Variants in POU2F2 observed in about 807,000 individuals in gnomAD.
POU2F2 encodes the protein POU class 2 homeobox 2.
A neutral mutation model predicts 63.5 loss-of-function variants in POU2F2; 14 were observed. That is an observed-to-expected ratio of 0.22 (90% CI 0.15 to 0.34). POU2F2 has a LOEUF of 0.34. Ranked by LOEUF, POU2F2 falls within the 10% of genes least tolerant of loss-of-function variation. The probability of loss-of-function intolerance (pLI) is 1.00; values close to 1 mark genes in which losing one functional copy is unlikely to be tolerated. For synonymous variants in POU2F2, 306 were observed against 348.6 expected (o/e 0.88, Z 1.36); for missense variants, 607 against 815.2 (o/e 0.74, Z 3.11).
upstream of POU2F2, among the ~76,000 whole-genome samples, chr19:42,180,752 G>C (rs1003663375): frequency 6.6e-6 from 1 of 151,944 alleles, no homozygotes; most frequent in Non-Finnish European, 1.5e-5. Flanking sequence ...TTTGAGACAG[G>C]GTCTCCCTCT....
At chr19:42,179,716 C>T (rs117681325), upstream of POU2F2, among the ~76,000 whole-genome samples, 3,999 of 147,074 alleles carry the variant, frequency 0.027, 65 homozygotes, top group Non-Finnish European at 0.043. Context: ...GTATGGAGAA[C>T]GCTCCCAAGA....
intron 1 of POU2F2, among the ~76,000 whole-genome samples, chr19:42,170,199 G>T (rs1011730258): frequency 6.6e-6 from 1 of 151,908 alleles, no homozygotes; most frequent in Non-Finnish European, 1.5e-5. Flanking sequence ...CCCTCATCCT[G>T]GTCTGGCCCA....
rs183696919 is a variant in POU2F2, at chr19:42,159,489, C to T, written c.-9+843G>A. 7.0e-4 allele frequency among the ~76,000 whole-genome samples: 106 copies of T among 152,256 alleles called. 1 individual carries two copies. The highest frequency in any genetic ancestry group is 6.9e-3 in the Admixed American group (105 of 15,302). ...CCTGAGACCTGTGGGTTAAGCTTCTCTGGTGGGAATAGGGGTGGCAGTAGA... is the reference window on the plus strand; with the variant it reads ...CCTGAGACCTGTGGGTTAAGCTTCTTTGGTGGGAATAGGGGTGGCAGTAGA... On this transcript the variant is annotated intron_variant, in intron 2 of 6. Transcript: ENST00000524801.
At chr19:42,168,504 A>G (rs1599706087) in intron 1 of POU2F2, among the ~76,000 whole-genome samples, 1 of 152,190 alleles carries the variant, frequency 6.6e-6, no homozygotes, top group East Asian at 1.9e-4. Flanking sequence ...CTCCATTTAG[A>G]CAGTCTTCTG....
chr19:42,176,222 A>T (rs1599720728), upstream of POU2F2, among the ~76,000 whole-genome samples: 1 of 152,128 alleles, frequency 6.6e-6, no homozygotes, highest in East Asian at 1.9e-4. Context: ...CGCCGCAGCC[A>T]GCCGGGAGCA....
At chr19:42,112,336 G>T (rs936584274) in intron 5 of POU2F2, among the ~76,000 whole-genome samples, 2 of 152,168 alleles carry the variant, frequency 1.3e-5, no homozygotes, top group Non-Finnish European at 2.9e-5. Flanking sequence ...TGGGGTCGAG[G>T]GCAAGGGCTC....
intron 4 of POU2F2, among the ~76,000 whole-genome samples, chr19:42,121,714 G>A (rs962218333): frequency 2.6e-5 from 4 of 152,124 alleles, no homozygotes; most frequent in African/African-American, 4.8e-5. Flanking sequence ...GGCTGCTTCC[G>A]GCCTCCCTGT....
intron 1 of POU2F2, among the ~76,000 whole-genome samples, chr19:42,130,222 C>G (rs2033589133): frequency 6.6e-6 from 1 of 152,132 alleles, no homozygotes; most frequent in Non-Finnish European, 1.5e-5. Context: ...CACACATGTA[C>G]TTACACATGT....
chr19:42,163,314 G>C (rs933031858), intron 1 of POU2F2, among the ~76,000 whole-genome samples: 6 of 151,934 alleles, frequency 3.9e-5, no homozygotes, highest in Admixed American at 2.0e-4. Flanking sequence ...GTGGGCAGAG[G>C]AGGAGGCCCA....
rs1555897058 is a variant in POU2F2, at chr19:42,105,999, T to TTTCTTTCTTTC, written c.370-6179_370-6178insGAAAGAAAGAA. ...ACATATGATATATAGGATCTTTCTT[T>TTTCTTTCTTTC]TTTCTTTCTTTCTTTCTTTCTTTCT... On this transcript the variant is annotated intron_variant, in intron 5 of 14. Transcript: ENST00000692977. Among the ~76,000 whole-genome samples the TTTCTTTCTTTC allele has an allele frequency of 3.0e-5, 4 of 132,324 alleles. No homozygotes were observed. In the South Asian group the frequency reaches 7.6e-4, roughly 25 times the overall value. The allele number at this position is 132,324 out of a possible 152,430, so 86.8% of individuals were successfully genotyped here.
chr19:42,140,513 C>A (rs2034106384), intron 2 of POU2F2, among the ~76,000 whole-genome samples: 1 of 152,180 alleles, frequency 6.6e-6, no homozygotes, highest in African/African-American at 2.4e-5. Context: ...TTGTCCCCAA[C>A]ATGGGGCCTT....
intron 4 of POU2F2, among the ~76,000 whole-genome samples, chr19:42,118,106 G>A (rs2032157092): frequency 1.3e-5 from 2 of 152,070 alleles, no homozygotes; most frequent in South Asian, 2.1e-4. Context: ...AAATTTTTCT[G>A]TAGAGACAGG....
chr19:42,185,143 A>C (rs182758656), intron 1 of POU2F2, among the ~76,000 whole-genome samples: 2 of 152,252 alleles, frequency 1.3e-5, no homozygotes, highest in African/African-American at 4.8e-5. Context: ...AACCATATGA[A>C]ATTGACAATA....
At chr19:42,101,447 G>A (rs2077138723) in intron 5 of POU2F2, among the ~76,000 whole-genome samples, 1 of 152,102 alleles carries the variant, frequency 6.6e-6, no homozygotes, top group Non-Finnish European at 1.5e-5. Flanking sequence ...CATGGATAAC[G>A]GGAAGATGAT....
upstream of POU2F2, among the ~76,000 whole-genome samples, chr19:42,180,639 G>T (rs919382298): frequency 6.6e-6 from 1 of 152,112 alleles, no homozygotes; most frequent in Admixed American, 6.5e-5. Context: ...GGTGGGGGGC[G>T]GTCATCCTTC....
At chr19:42,109,185 C>A (rs1389548929) in intron 5 of POU2F2, among the ~76,000 whole-genome samples, 1 of 152,194 alleles carries the variant, frequency 6.6e-6, no homozygotes, top group Non-Finnish European at 1.5e-5. Context: ...TGAGGAGGAG[C>A]CCCAGAGCCG....
At chr19:42,183,352 T>C (rs1227590619) in intron 1 of POU2F2, among the ~76,000 whole-genome samples, 1 of 152,166 alleles carries the variant, frequency 6.6e-6, no homozygotes, top group Non-Finnish European at 1.5e-5. Flanking sequence ...CCACACACTG[T>C]AGGATTCCAT....
chr19:42,191,752 A>G (rs1304190211), intron 1 of POU2F2, among the ~76,000 whole-genome samples: 1 of 152,220 alleles, frequency 6.6e-6, no homozygotes, highest in Admixed American at 6.5e-5. Flanking sequence ...AGGGGCTGTC[A>G]GATCTGAAAG....
chr19:42,123,514 T>C (rs2146642060), intron 1 of POU2F2, among the ~76,000 whole-genome samples: 1 of 152,232 alleles, frequency 6.6e-6, no homozygotes, highest in Non-Finnish European at 1.5e-5. Context: ...ACATTAGCGG[T>C]TAGTGCTAAT....
Sources: gnomAD v4.1 joint callset for allele counts (sites outside exome capture counted in the v4.1 genomes callset) on GRCh38, gnomAD v4.1.1 for gene constraint, MANE v1.5 for transcripts, NCBI Gene and HGNC (gene_info 2026-07-23, HGNC 2026-07-21) for gene names.